Variants in FOXP1 observed in about 807,000 individuals in gnomAD.
FOXP1 encodes the protein forkhead box protein P1.
Under a neutral mutation model 98.2 loss-of-function variants are expected in FOXP1, and 15 were observed. The ratio of observed to expected loss-of-function variants is 0.15; its 90% CI spans 0.10 to 0.24. The LOEUF is 0.24. Ranked by LOEUF, FOXP1 falls within the 10% of genes least tolerant of loss-of-function variation. FOXP1 has a pLI of 1.00. For missense variants in FOXP1, 633 were observed against 848.5 expected (o/e 0.75, Z 3.15); for synonymous variants, 371 against 314.5 (o/e 1.18, Z -1.90).
At chr3:71,010,233 A>C (rs1298895056) in intron 12 of FOXP1, among the ~76,000 whole-genome samples, 1 of 152,064 alleles carries the variant, frequency 6.6e-6, no homozygotes, top group Non-Finnish European at 1.5e-5. Flanking sequence ...GCAGAAAGCA[A>C]ACTGTCAATA....
At position 71,112,636 on chromosome 3, in the gene FOXP1, G is replaced by A. The variant is rs1182224725; in HGVS notation, c.182C>T (p.Ala61Val). ...LAHAQQQQQQALQVARQLLLQ... is the reference protein window; with the variant it reads ...LAHAQQQQQQVLQVARQLLLQ... ...AAGGAGCTGTCTTGCCACCTGAAGT[G>A]CCTGGAAGGAAAAACAAGAAAATCC... is the stretch of plus-strand genomic sequence containing the variant. The change falls in exon 7 of 21, where the codon GCA (alanine) becomes GTA (valine). Residue 61 changes from alanine (A) to valine (V), a missense_variant and splice_region_variant. Transcript: ENST00000649528. 3 of 1,612,924 alleles carry A rather than the reference G, an allele frequency of 1.9e-6. No individual in the cohort carries two copies.
chr3:71,234,513 CAG>C (rs2066611580), intron 5 of FOXP1, among the ~76,000 whole-genome samples: 1 of 152,210 alleles, frequency 6.6e-6, no homozygotes, highest in Admixed American at 6.5e-5. Flanking sequence ...GCACCGCCTA[CAG>C]AAAGTTTCGT....
chr3:71,142,069 C>A (rs2060097461), intron 6 of FOXP1, among the ~76,000 whole-genome samples: 1 of 151,962 alleles, frequency 6.6e-6, no homozygotes, highest in African/African-American at 2.4e-5. Flanking sequence ...TTAAGGTAAA[C>A]AGAAGTACAC....
chr3:71,067,764 A>ACACACAC (rs71104409), intron 7 of FOXP1, among the ~76,000 whole-genome samples: 10 of 141,028 alleles, frequency 7.1e-5, no homozygotes, highest in East Asian at 2.0e-4. Context: ...ACACACACAC[A>ACACACAC]ATTAGCCACG....
chr3:71,563,225 T>C (rs527711411), intron 2 of FOXP1, among the ~76,000 whole-genome samples: 8 of 152,270 alleles, frequency 5.3e-5, no homozygotes, highest in African/African-American at 1.7e-4. Context: ...GGCTACTCTA[T>C]GGGGTGCAGT....
intron 6 of FOXP1, among the ~76,000 whole-genome samples, chr3:71,174,550 T>A (rs995398643): frequency 6.6e-6 from 1 of 152,188 alleles, no homozygotes; most frequent in African/African-American, 2.4e-5. Flanking sequence ...ATTCCTGATT[T>A]CATCCATCTT....
chr3:70,957,074 A>C lies in FOXP1; in HGVS notation c.*2173T>G, dbSNP rs2032009761. 4.5e-6 allele frequency: 1 copy of C among 222,838 alleles called. No homozygotes were observed. Among genetic ancestry groups the C allele is most frequent in the Non-Finnish European group, 9.0e-6 (1 of 111,634 alleles). 13.8% of individuals were successfully genotyped at this position (222,838 alleles called of 1,614,324 possible). A position where few individuals can be genotyped will look rare whatever the true frequency, so the allele number is the denominator to read the frequency against. ...TTCTAGAAATACTATTATGTAATCT[A>C]GTTCAATTATGGAAGCTTTTCTGTC... On this transcript the variant is annotated 3_prime_UTR_variant, in exon 21 of 21. Transcript: ENST00000649528.
At chr3:71,106,252 A>G (rs1330623248) in intron 7 of FOXP1, among the ~76,000 whole-genome samples, 1 of 152,274 alleles carries the variant, frequency 6.6e-6, no homozygotes, top group Non-Finnish European at 1.5e-5. Flanking sequence ...ATGATTACAT[A>G]TAAAATATTA....
rs753162341 is a variant in FOXP1 at position 71,001,081 on chromosome 3, C to G, written c.975-22G>C. On this transcript the variant is annotated intron_variant, in intron 12 of 20. Transcript: ENST00000649528. ...ATGTCTGCAACAATACATAGAAAAT[C>G]ATTAAGTGAAATGGAGAAACAAAAA... 3.2e-6 allele frequency: 5 copies of G among 1,572,390 alleles called. No homozygotes were observed. The Admixed American group carries it at 8.3e-5, about 26-fold the overall frequency.
At chr3:71,302,785 G>C (rs768417127) in intron 4 of FOXP1, 13 of 152,086 alleles carry the variant, frequency 8.5e-5, no homozygotes, top group Non-Finnish European at 1.6e-4. Flanking sequence ...GATTGCAACA[G>C]TATCATTTAC....
intron 5 of FOXP1, among the ~76,000 whole-genome samples, chr3:71,207,246 T>TG (rs369774954): frequency 0.28 from 37,664 of 135,338 alleles, 4,807 homozygotes; most frequent in East Asian, 0.37. Context: ...TTCAGAAAAG[T>TG]CTTTTTTTTT....
chr3:71,260,149 A>T (rs1009428566), intron 5 of FOXP1, among the ~76,000 whole-genome samples: 5 of 151,918 alleles, frequency 3.3e-5, no homozygotes, highest in East Asian at 1.9e-4. Context: ...ACGCCCACTA[A>T]TTTTTTTGTA....
At chr3:70,960,778 A>G (rs2033208172) in intron 20 of FOXP1, among the ~76,000 whole-genome samples, 1 of 151,776 alleles carries the variant, frequency 6.6e-6, no homozygotes, top group Admixed American at 6.6e-5. Flanking sequence ...GAATCAATTG[A>G]CTCTAAAATT....
At chr3:71,095,014 T>C (rs543223709) in intron 7 of FOXP1, among the ~76,000 whole-genome samples, 2 of 152,372 alleles carry the variant, frequency 1.3e-5, no homozygotes, top group South Asian at 4.1e-4. Context: ...AGCATTAATA[T>C]ATTGTGTGTG....
chr3:71,547,230 C>T (rs564420807), intron 2 of FOXP1, among the ~76,000 whole-genome samples: 14 of 152,284 alleles, frequency 9.2e-5, no homozygotes, highest in African/African-American at 2.9e-4. Context: ...CTTTCCTCCC[C>T]TTCATTTTAA....
At chr3:71,507,093 C>G (rs1198747557) in intron 2 of FOXP1, among the ~76,000 whole-genome samples, 1 of 152,216 alleles carries the variant, frequency 6.6e-6, no homozygotes, top group African/African-American at 2.4e-5. Flanking sequence ...GTGTGAGCTG[C>G]TGCCAGTCCT....
At chr3:71,255,207 C>A (rs1366365384) in intron 5 of FOXP1, among the ~76,000 whole-genome samples, 1 of 152,184 alleles carries the variant, frequency 6.6e-6, no homozygotes, top group African/African-American at 2.4e-5. Flanking sequence ...CCAAAATGGT[C>A]TTGTCCTACC....
At position 71,418,449 on chromosome 3, in the gene FOXP1, A is replaced by G. The variant is rs80350381; in HGVS notation, c.-167-59205T>C. Among the ~76,000 whole-genome samples, 418 of 152,330 alleles carry G rather than the reference A, an allele frequency of 2.7e-3. 2 individuals carry two copies. The highest frequency in any genetic ancestry group is 9.7e-3 in the African/African-American group (405 of 41,582). ...CTCATGGGCTCCATAATTTAAATCT[A>G]CCATTCATTTTAGGGAGCTAGGTTC... is the stretch of plus-strand genomic sequence containing the variant. On this transcript the variant is annotated intron_variant, in intron 3 of 20. Coordinates refer to ENST00000649528, the MANE Select transcript of FOXP1 (RefSeq NM_001349338.3).
chr3:71,441,213 A>G (rs2085904273), intron 3 of FOXP1, among the ~76,000 whole-genome samples: 1 of 152,218 alleles, frequency 6.6e-6, no homozygotes, highest in Non-Finnish European at 1.5e-5. Context: ...GGACTGTACT[A>G]TGGATCAGTC....
Sources: gnomAD v4.1 joint callset for allele counts (sites outside exome capture counted in the v4.1 genomes callset) on GRCh38, gnomAD v4.1.1 for gene constraint, MANE v1.5 for transcripts, NCBI Gene and HGNC (gene_info 2026-07-23, HGNC 2026-07-21) for gene names.